Variants in PIP5K1B observed in about 807,000 individuals in gnomAD.
PIP5K1B encodes phosphatidylinositol-4-phosphate 5-kinase type 1 beta.
PIP5K1B carries 42 observed loss-of-function variants against 67.0 expected under a neutral mutation model. The ratio of observed to expected loss-of-function variants is 0.63; its 90% CI spans 0.49 to 0.81. PIP5K1B has a LOEUF of 0.81. Among genes scored for constraint, PIP5K1B ranks in the 30% least tolerant of loss-of-function variants. The pLI is 0.00. For missense variants in PIP5K1B, 459 were observed against 646.3 expected (o/e 0.71, Z 3.14); for synonymous variants, 214 against 231.4 (o/e 0.92, Z 0.68).
At chr9:68,859,614 G>A (rs1476800172) in intron 4 of PIP5K1B, among the ~76,000 whole-genome samples, 1 of 152,184 alleles carries the variant, frequency 6.6e-6, no homozygotes, top group African/African-American at 2.4e-5. Context: ...GCTCAGTTGT[G>A]CAAAGCCGGC....
chr9:68,882,112 T>C (rs989300157), intron 6 of PIP5K1B, among the ~76,000 whole-genome samples: 5 of 152,206 alleles, frequency 3.3e-5, no homozygotes, highest in Non-Finnish European at 5.9e-5. Flanking sequence ...AGAGCATGAA[T>C]ACATTAGAAC....
chr9:68,904,890 A>T (rs1825534795), intron 8 of PIP5K1B, among the ~76,000 whole-genome samples: 2 of 152,114 alleles, frequency 1.3e-5, no homozygotes, highest in African/African-American at 2.4e-5. Context: ...CCTAAAAGAG[A>T]TATTACCTAA....
At chr9:68,928,083 A>G (rs1826801946) in intron 12 of PIP5K1B, among the ~76,000 whole-genome samples, 1 of 152,108 alleles carries the variant, frequency 6.6e-6, no homozygotes, top group East Asian at 1.9e-4. Context: ...ACAAAAAAAA[A>G]AGGAAAAGAA....
chr9:68,919,580 TG>T lies in PIP5K1B; in HGVS notation c.1067+20del. ...TCATATAGGTAAGAAGTTTGAGGAG[TG>T]GTCTTTTATTATTTCAAAATCAATC... On this transcript the variant is annotated intron_variant, in intron 10 of 15. Transcript: ENST00000265382. 6.9e-7 allele frequency: 1 copy of T among 1,451,082 alleles called. No homozygotes were observed. Among genetic ancestry groups the T allele is most frequent in the Non-Finnish European group, 9.6e-7 (1 of 1,041,658 alleles). The allele number at this position is 1,451,082 out of a possible 1,614,324, so 89.9% of individuals were successfully genotyped here.
At chr9:68,961,606 C>T (rs1035962022) in intron 14 of PIP5K1B, among the ~76,000 whole-genome samples, 1 of 152,116 alleles carries the variant, frequency 6.6e-6, no homozygotes, top group African/African-American at 2.4e-5. Context: ...TGTCTTTCTT[C>T]TTGGGTTGAT....
intron 4 of PIP5K1B, among the ~76,000 whole-genome samples, chr9:68,836,439 T>TA (rs1402707916): frequency 6.6e-6 from 1 of 152,146 alleles, no homozygotes; most frequent in East Asian, 1.9e-4. Context: ...TTCTGCTTCA[T>TA]AAAAAACAAA....
At chr9:68,911,319 G>GC (rs1825836561) in intron 8 of PIP5K1B, among the ~76,000 whole-genome samples, 1 of 150,052 alleles carries the variant, frequency 6.7e-6, no homozygotes, top group Admixed American at 6.7e-5. Context: ...GTTGCAGTGA[G>GC]CCGAGAACAT....
chr9:68,888,162 T>C (rs1005907456), intron 6 of PIP5K1B, among the ~76,000 whole-genome samples: 38 of 151,790 alleles, frequency 2.5e-4, no homozygotes, highest in Non-Finnish European at 5.9e-5. Context: ...GTATTTTTTG[T>C]AGAGACAGGA....
intron 14 of PIP5K1B, among the ~76,000 whole-genome samples, chr9:68,957,262 T>C (rs915565389): frequency 1.3e-4 from 20 of 150,940 alleles, no homozygotes; most frequent in African/African-American, 4.6e-4. Flanking sequence ...GAGGGAGAAA[T>C]TCCTCATTGC....
rs951793099 is a variant in PIP5K1B at position 68,888,887 on chromosome 9, A to G, written c.319-94A>G. 2.2e-5 allele frequency: 18 copies of G among 832,176 alleles called. No homozygotes were observed. The East Asian group carries it at 2.2e-4, about 10-fold the overall frequency. The allele number at this position is 832,176 out of a possible 1,614,324, so 51.5% of individuals were successfully genotyped here. On this transcript the variant is annotated intron_variant, in intron 6 of 15. Transcript: ENST00000265382. ...GCCCGTAGAGAGGCTTCTTGTTTCAACATAGCTAAGATGTGCAATGCTATG... is the reference window on the plus strand; with the variant it reads ...GCCCGTAGAGAGGCTTCTTGTTTCAGCATAGCTAAGATGTGCAATGCTATG...
rs1830919479 is a variant in PIP5K1B at position 68,776,427 on chromosome 9, T to C, written c.-86+33770T>C. Among the ~76,000 whole-genome samples the C allele has an allele frequency of 2.0e-5, 3 of 152,144 alleles. No homozygotes were observed. The South Asian group carries it at 6.2e-4, about 32-fold the overall frequency. On this transcript the variant is annotated intron_variant, in intron 2 of 15. Coordinates refer to ENST00000265382, the MANE Select transcript of PIP5K1B (RefSeq NM_003558.4). Reference sequence around the variant, plus strand: ...GAGATCTTATAAATTAGATATCAGATTGGGACTCTGTCCCAATTCTAGATA... The same window carrying C: ...GAGATCTTATAAATTAGATATCAGACTGGGACTCTGTCCCAATTCTAGATA...
At chr9:69,002,359 C>A (rs374565848) in intron 15 of PIP5K1B, among the ~76,000 whole-genome samples, 5 of 152,162 alleles carry the variant, frequency 3.3e-5, no homozygotes, top group Admixed American at 6.5e-5. Flanking sequence ...TGGATCTGAG[C>A]GTGCCTAAGT....
intron 14 of PIP5K1B, among the ~76,000 whole-genome samples, chr9:68,968,830 G>C (rs1829184344): frequency 1.3e-5 from 2 of 151,984 alleles, no homozygotes; most frequent in African/African-American, 4.8e-5. Flanking sequence ...GACTTTAAGA[G>C]TGAAATCTCC....
intron 2 of PIP5K1B, chr9:68,788,281 G>C: frequency 1.7e-6 from 1 of 589,774 alleles, no homozygotes; most frequent in South Asian, 1.6e-5. Context: ...AAGTGTTCAT[G>C]ACTTTTCCCT....
At chr9:68,824,033 A>G in intron 4 of PIP5K1B, 1 of 512,134 alleles carries the variant, frequency 2.0e-6, no homozygotes, top group Admixed American at 2.0e-5. Context: ...GAAGTGCCGC[A>G]GTATATTTTA....
chr9:68,866,659 TA>T (rs1211413877), intron 5 of PIP5K1B, among the ~76,000 whole-genome samples: 1 of 152,202 alleles, frequency 6.6e-6, no homozygotes, highest in Non-Finnish European at 1.5e-5. Flanking sequence ...CTGGGCTGTC[TA>T]AAATAATCAG....
chr9:68,790,596 G>GCACA (rs59234219), intron 2 of PIP5K1B, among the ~76,000 whole-genome samples: 15 of 151,812 alleles, frequency 9.9e-5, no homozygotes, highest in East Asian at 1.9e-4. Flanking sequence ...ACATGAGCGC[G>GCACA]CACACACACA....
At chr9:68,757,587 G>A (rs945780113) in intron 2 of PIP5K1B, among the ~76,000 whole-genome samples, 3 of 152,114 alleles carry the variant, frequency 2.0e-5, no homozygotes, top group Non-Finnish European at 4.4e-5. Flanking sequence ...GCTCTCTCTC[G>A]TAAATTCTTT....
intron 15 of PIP5K1B, among the ~76,000 whole-genome samples, chr9:68,993,543 C>T (rs1830472714): frequency 6.6e-6 from 1 of 152,042 alleles, no homozygotes; most frequent in Admixed American, 6.6e-5. Flanking sequence ...AATGCTCCAC[C>T]CTACCATTGC....
Sources: allele counts gnomAD v4.1 joint callset (sites outside exome capture counted in the v4.1 genomes callset), GRCh38; gene constraint gnomAD v4.1.1; transcripts MANE v1.5; gene names NCBI Gene and HGNC (gene_info 2026-07-23, HGNC 2026-07-21).